The following SP140 variants were observed in gnomAD, a reference collection of about 807,000 sequenced individuals.
SP140 encodes the protein SP140 nuclear body protein.
In SP140, 81 loss-of-function variants were observed where a neutral mutation model predicts 125.0. The observed-to-expected ratio is 0.65, with a 90% CI of 0.54 to 0.78. SP140 has a LOEUF of 0.78. SP140 is among the 30% of genes least tolerant of loss of function. SP140 has a pLI of 0.00. For synonymous variants in SP140, 312 were observed against 354.0 expected, an observed-to-expected ratio of 0.88 and a Z score of 1.33; for missense variants, 858 against 1,037.0, an observed-to-expected ratio of 0.83 and a Z score of 2.37.
chr2:230,225,666 T>G, upstream of SP140: 25 of 661,724 alleles, frequency 3.8e-5, no homozygotes, highest in East Asian at 8.3e-5. Context: ...AGAGACGTCA[T>G]GGAGATTGGG....
intron 15 of SP140, among the ~76,000 whole-genome samples, chr2:230,279,770 C>T (rs372228624): frequency 6.6e-6 from 1 of 152,110 alleles, no homozygotes; most frequent in East Asian, 1.9e-4. Flanking sequence ...TGGTTCTCGA[C>T]AACAGCTGAT....
At chr2:230,222,837 A>T (rs1221470330), upstream of SP140, among the ~76,000 whole-genome samples, 2 of 142,144 alleles carry the variant, frequency 1.4e-5, no homozygotes, top group Admixed American at 1.4e-4. Context: ...CGTGTGTATT[A>T]AAGTTTTTTT....
intron 12 of SP140, among the ~76,000 whole-genome samples, chr2:230,256,385 A>C (rs548923568): frequency 0.011 from 1,704 of 152,230 alleles, 22 homozygotes; most frequent in African/African-American, 0.03. Flanking sequence ...GACATGGATG[A>C]AGCTGGAAAC....
At position 230,309,976 on chromosome 2, in the gene SP140, GT is replaced by G. The variant is rs1287811368; in HGVS notation, c.2113del (p.Cys705AlafsTer31). On this transcript the variant is annotated frameshift_variant, in exon 23 of 27. Coordinates refer to ENST00000392045, the MANE Select transcript of SP140 (RefSeq NM_007237.5). LOFTEE classifies it high-confidence loss of function. ...EVCRDGGELF[C>X]CDTCSRVFHE... ...TGCCGGGACGGAGGGGAGCTGTTCT[GT>G]TGCGACACTTGTTCAAGAGTCTTCC... The G allele has an allele frequency of 6.2e-7, 1 of 1,614,078 alleles. No homozygotes were observed. The highest frequency in any genetic ancestry group is 8.5e-7 in the Non-Finnish European group (1 of 1,180,030).
In SP140 at chr2:230,294,338, A is replaced by G; in HGVS notation, c.2016+20A>G. ...AAAAAGGTGATTATTACATAGCTTT[A>G]TACAGCTTCTTGTCACATAACTGAT... On this transcript the variant is annotated intron_variant, in intron 21 of 26. Transcript: ENST00000392045. 2 of 1,578,328 alleles carry G rather than the reference A, an allele frequency of 1.3e-6. No homozygotes were observed. The highest frequency in any genetic ancestry group is 1.7e-6 in the Non-Finnish European group (2 of 1,147,860).
intron 15 of SP140, 104 bp from the exon 16 acceptor site, chr2:230,284,242 C>A (rs576056211): frequency 3.7e-5 from 42 of 1,142,732 alleles, no homozygotes; most frequent in Admixed American, 8.1e-5. Flanking sequence ...CCCATTCCTG[C>A]GGACCAAAGT....
Position 230,310,003 on chromosome 2 carries a change from A to T in SP140, c.2138A>T (p.His713Leu). 6.2e-7 allele frequency: 1 copy of T among 1,614,194 alleles called. No homozygotes were observed. The highest frequency in any genetic ancestry group is 8.5e-7 in the Non-Finnish European group (1 of 1,180,024). The change falls in exon 23 of 27, where the codon CAT becomes CTT. Residue 713 changes from histidine to leucine, a missense_variant. Transcript: ENST00000392045. ...TGCGACACTTGTTCAAGAGTCTTCC[A>T]TGAGGACTGTCACATCCCGCCTGTG... The part of the protein sequence containing the change: ...FCCDTCSRVF[H>L]EDCHIPPVEA...
At chr2:230,288,038 A>G in intron 18 of SP140, 72 bp downstream of exon 18, 1 of 1,252,160 alleles carries the variant, frequency 8.0e-7, no homozygotes, top group Non-Finnish European at 1.1e-6. Flanking sequence ...CTGTACTTTC[A>G]GTAATAAACC....
chr2:230,269,502 T>C (rs756188858), intron 12 of SP140, 30 bp from the exon 13 acceptor site: 10 of 1,371,880 alleles, frequency 7.3e-6, no homozygotes, highest in African/African-American at 4.3e-5. Flanking sequence ...CTCAGGATCC[T>C]TGGACAATAA....
intron 12 of SP140, among the ~76,000 whole-genome samples, chr2:230,263,728 A>G (rs1176394808): frequency 2.0e-5 from 3 of 152,076 alleles, no homozygotes; most frequent in Non-Finnish European, 2.9e-5. Flanking sequence ...TTCGTATATG[A>G]TGCTTAGTTT....
At chr2:230,238,486 A>G (rs2048283478) in intron 3 of SP140, 105 bp downstream of exon 3, 3 of 1,107,910 alleles carry the variant, frequency 2.7e-6, no homozygotes, top group Non-Finnish European at 2.6e-6. Context: ...CTGAGTGACT[A>G]TTACATGCCA....
chr2:230,196,710 A>C, the SP140 span, among the ~76,000 whole-genome samples: 13 of 146,662 alleles, frequency 8.9e-5, no homozygotes, highest in Admixed American at 9.0e-4. Flanking sequence ...ACCCCACAAC[A>C]GTCCCCAGAG....
In SP140 at chr2:230,243,764, T is replaced by G. The variant is rs367938046; in HGVS notation, c.524T>G (p.Ile175Arg). 1 of 1,613,170 alleles carries G rather than the reference T, an allele frequency of 6.2e-7. No individual in the cohort carries two copies. Among genetic ancestry groups the G allele is most frequent in the South Asian group, 1.1e-5 (1 of 91,052 alleles). ...AATGCCTGTCATGAAATGGATGATA[T>G]AGCAGTGCCTCAGGAAGCCTTGAGC... ...NSNACHEMDD[I>R]AVPQEALSSS... is the part of the protein sequence containing the mutation. Residue 175 changes from isoleucine to arginine, a missense_variant, in exon 5 of 27, where the codon ATA (isoleucine) becomes AGA (arginine). Coordinates refer to ENST00000392045, the MANE Select transcript of SP140 (RefSeq NM_007237.5).
At chr2:230,270,977 T>A (rs1442629712) in intron 15 of SP140, 1 of 381,810 alleles carries the variant, frequency 2.6e-6, no homozygotes, top group Admixed American at 3.4e-5. Context: ...GGAAGAATCA[T>A]CAGAAATATG....
intron 22 of SP140, among the ~76,000 whole-genome samples, chr2:230,300,561 A>G (rs2058193301): frequency 6.6e-6 from 1 of 152,078 alleles, no homozygotes; most frequent in South Asian, 2.1e-4. Context: ...TAACAATCAC[A>G]GCAGTTTGGC....
chr2:230,304,496 T>G (rs2058578010), intron 22 of SP140, among the ~76,000 whole-genome samples: 2 of 152,256 alleles, frequency 1.3e-5, no homozygotes, highest in South Asian at 2.1e-4. Flanking sequence ...TTACCTGACT[T>G]CAAACTATAC....
At chr2:230,224,079 A>C (rs760859479), upstream of SP140, among the ~76,000 whole-genome samples, 1 of 152,210 alleles carries the variant, frequency 6.6e-6, no homozygotes, top group Non-Finnish European at 1.5e-5. Context: ...TGGGAAATAG[A>C]ACTGAAATTT....
downstream of SP140, among the ~76,000 whole-genome samples, chr2:230,315,047 A>G (rs976084727): frequency 1.3e-5 from 2 of 152,230 alleles, no homozygotes; most frequent in African/African-American, 4.8e-5. Context: ...ACATGCATGG[A>G]TATGCTGTTC....
intron 15 of SP140, among the ~76,000 whole-genome samples, chr2:230,274,577 A>C (rs908964390): frequency 2.0e-5 from 3 of 152,138 alleles, no homozygotes; most frequent in Non-Finnish European, 4.4e-5. Context: ...TGTTAGGTGC[A>C]TGTCAGATTT....
Sources: gnomAD v4.1 joint callset for allele counts (sites outside exome capture counted in the v4.1 genomes callset) on GRCh38, gnomAD v4.1.1 for gene constraint, MANE v1.5 for transcripts, NCBI Gene and HGNC (gene_info 2026-07-23, HGNC 2026-07-21) for gene names.